IQCK: variants seen among roughly 807,000 people sequenced by gnomAD.
IQCK encodes the protein IQ motif containing K, also known as IQ domain-containing protein K.
In IQCK, 29 loss-of-function variants were observed where a neutral mutation model predicts 28.1. The ratio of observed to expected loss-of-function variants is 1.03; its 90% CI spans 0.77 to 1.41. The LOEUF is 1.41. Among genes scored for constraint, IQCK ranks in the 40% most tolerant of loss-of-function variants. The pLI, the probability that IQCK is intolerant of heterozygous loss-of-function variation, is 0.00. For synonymous variants in IQCK, 113 were observed against 115.1 expected, an observed-to-expected ratio of 0.98 and a Z score of 0.12; for missense variants, 359 against 314.7, an observed-to-expected ratio of 1.14 and a Z score of -1.07.
intron 4 of IQCK, among the ~76,000 whole-genome samples, chr16:19,748,329 C>T (rs2054941152): frequency 6.6e-6 from 1 of 152,118 alleles, no homozygotes; most frequent in Admixed American, 6.6e-5. Context: ...CCCACCTCTG[C>T]CTCCCAAAGT....
At chr16:19,742,990 A>C (rs2054858145) in intron 4 of IQCK, among the ~76,000 whole-genome samples, 1 of 152,146 alleles carries the variant, frequency 6.6e-6, no homozygotes, top group Non-Finnish European at 1.5e-5. Context: ...CCAACATGGC[A>C]AAACCCTGTC....
chr16:19,782,501 A>AAT (rs2055501599), intron 6 of IQCK, among the ~76,000 whole-genome samples: 1 of 151,854 alleles, frequency 6.6e-6, no homozygotes, highest in South Asian at 2.1e-4. Flanking sequence ...GGTGGTGTGT[A>AAT]CCTGTAATCT....
At chr16:19,747,975 T>A (rs1166421291) in intron 4 of IQCK, among the ~76,000 whole-genome samples, 1 of 152,094 alleles carries the variant, frequency 6.6e-6, no homozygotes, top group Non-Finnish European at 1.5e-5. Context: ...AGATGGCAGC[T>A]GTGACTGTTA....
chr16:19,792,763 A>AG (rs1483976382), intron 7 of IQCK, among the ~76,000 whole-genome samples: 1 of 111,618 alleles, frequency 9.0e-6, no homozygotes, highest in East Asian at 2.2e-4. Flanking sequence ...GTAGAGACGG[A>AG]GGGGGGCGTT....
At chr16:19,846,738 C>T (rs114390303) in intron 9 of IQCK, among the ~76,000 whole-genome samples, 101 of 152,260 alleles carry the variant, frequency 6.6e-4, no homozygotes, top group African/African-American at 2.3e-3. Flanking sequence ...ACATTTACGC[C>T]CTGAATGTCA....
intron 6 of IQCK, among the ~76,000 whole-genome samples, chr16:19,774,135 G>T (rs2055355682): frequency 6.6e-6 from 1 of 152,162 alleles, no homozygotes; most frequent in Non-Finnish European, 1.5e-5. Flanking sequence ...TGACAGTGTA[G>T]TGTGGTGGTT....
downstream of IQCK, among the ~76,000 whole-genome samples, chr16:19,828,987 T>TAA (rs1410991145): frequency 1.4e-5 from 2 of 144,128 alleles, no homozygotes; most frequent in Non-Finnish European, 3.0e-5. Context: ...ATTATATATA[T>TAA]AATTAAATAT....
intron 7 of IQCK, among the ~76,000 whole-genome samples, chr16:19,822,059 C>A (rs1387796862): frequency 7.5e-6 from 1 of 132,956 alleles, no homozygotes; most frequent in Non-Finnish European, 1.5e-5. Flanking sequence ...CAGAATGAGA[C>A]CCTGTCTCAA....
intron 1 of IQCK, among the ~76,000 whole-genome samples, chr16:19,728,871 A>G (rs1192986245): frequency 6.6e-6 from 1 of 152,236 alleles, no homozygotes; most frequent in Non-Finnish European, 1.5e-5. Flanking sequence ...AGTGGAGGAA[A>G]TGCTGTACTG....
At chr16:19,802,654 C>T in intron 7 of IQCK, among the ~76,000 whole-genome samples, 1 of 150,422 alleles carries the variant, frequency 6.6e-6, no homozygotes, top group East Asian at 1.9e-4. Context: ...TCTTCAAAGG[C>T]ACAAAGCAGG....
At chr16:19,767,379 G>T (rs549198527) in intron 6 of IQCK, among the ~76,000 whole-genome samples, 5 of 152,282 alleles carry the variant, frequency 3.3e-5, no homozygotes, top group African/African-American at 1.2e-4. Context: ...AAGTTTTATT[G>T]AGTGGAAGTA....
chr16:19,752,955 CTCT>C (rs1368040569), intron 4 of IQCK, among the ~76,000 whole-genome samples: 4 of 152,182 alleles, frequency 2.6e-5, no homozygotes, highest in South Asian at 2.1e-4. Flanking sequence ...ACTGTTCTCT[CTCT>C]TCTTCTCTTG....
intron 6 of IQCK, among the ~76,000 whole-genome samples, chr16:19,764,692 C>CTTTT (rs1277213098): frequency 1.5e-5 from 2 of 131,808 alleles, no homozygotes; most frequent in African/African-American, 5.7e-5. Flanking sequence ...CCTTTAATTT[C>CTTTT]TTTTTTTTTT....
At chr16:19,721,736 C>T (rs1977502022) in intron 1 of IQCK, among the ~76,000 whole-genome samples, 1 of 152,106 alleles carries the variant, frequency 6.6e-6, no homozygotes, top group Non-Finnish European at 1.5e-5. Flanking sequence ...CAGGCACCCA[C>T]CACCATGCCT....
chr16:19,754,596 C>T (rs1264564009), intron 4 of IQCK, among the ~76,000 whole-genome samples: 3 of 151,998 alleles, frequency 2.0e-5, no homozygotes, highest in Non-Finnish European at 2.9e-5. Context: ...AAATTTGCTA[C>T]TACGAATAAT....
At chr16:19,845,730 A>G (rs575631340) in intron 9 of IQCK, among the ~76,000 whole-genome samples, 96 of 152,362 alleles carry the variant, frequency 6.3e-4, no homozygotes, top group African/African-American at 2.1e-3. Context: ...TTGTTTTAAA[A>G]TATTATATTT....
intron 7 of IQCK, among the ~76,000 whole-genome samples, chr16:19,793,643 G>GTTTTTTTTTT (rs1285541664): frequency 6.5e-5 from 4 of 61,808 alleles, no homozygotes; most frequent in Admixed American, 5.5e-4. Flanking sequence ...TCTCAGTTGG[G>GTTTTTTTTTT]TTTTTTTTTT....
chr16:19,769,447 G>T (rs2055288049), intron 6 of IQCK, among the ~76,000 whole-genome samples: 1 of 152,142 alleles, frequency 6.6e-6, no homozygotes, highest in South Asian at 2.1e-4. Context: ...GTAACATGTG[G>T]CTTACTAAAT....
intron 4 of IQCK, among the ~76,000 whole-genome samples, chr16:19,758,495 A>G (rs994701117): frequency 6.6e-6 from 1 of 152,214 alleles, no homozygotes; most frequent in African/African-American, 2.4e-5. Context: ...AATCTTTACC[A>G]CTAAATGATG....
Sources: gnomAD v4.1 joint callset for allele counts (sites outside exome capture counted in the v4.1 genomes callset) on GRCh38, gnomAD v4.1.1 for gene constraint, MANE v1.5 for transcripts, NCBI Gene and HGNC (gene_info 2026-07-23, HGNC 2026-07-21) for gene names.